The following PHKB variants were observed in gnomAD, a reference collection of about 807,000 sequenced individuals.
PHKB encodes phosphorylase b kinase regulatory subunit beta.
A neutral mutation model predicts 152.1 loss-of-function variants in PHKB; 122 were observed. The ratio of observed to expected loss-of-function variants is 0.80; its 90% confidence interval spans 0.69 to 0.93. The LOEUF (loss-of-function observed/expected upper bound fraction) is 0.93. Among genes scored for constraint, PHKB ranks in the 40% least tolerant of loss-of-function variants. The pLI is 0.00. For missense variants in PHKB, 1,304 were observed against 1,328.4 expected (o/e 0.98, Z 0.29); for synonymous variants, 436 against 464.9 (o/e 0.94, Z 0.80).
intron 14 of PHKB, among the ~76,000 whole-genome samples, chr16:47,640,393 A>G (rs2151726022): frequency 6.6e-6 from 1 of 152,342 alleles, no homozygotes; most frequent in Non-Finnish European, 1.5e-5. Flanking sequence ...AATACATGTT[A>G]TAGCGAATCT....
In PHKB at chr16:47,544,635, G is replaced by C. The variant is rs375151066; in HGVS notation, c.595-2798G>C. Among the ~76,000 whole-genome samples the C allele has an allele frequency of 3.9e-5, 6 of 152,310 alleles. 1 individual carries two copies. The East Asian group carries it at 1.2e-3, about 29-fold the overall frequency. On this transcript the variant is annotated intron_variant, in intron 6 of 30. Coordinates refer to ENST00000323584, the MANE Select transcript of PHKB (RefSeq NM_000293.3). ...GTTCCAGAGCTGAGTTCACATCCTG[G>C]ATATCCTTGTTACCCTTCTGTCTTG...
At chr16:47,549,101 G>T (rs1971226057) in intron 7 of PHKB, among the ~76,000 whole-genome samples, 1 of 152,140 alleles carries the variant, frequency 6.6e-6, no homozygotes. Flanking sequence ...TGAAGTAGAG[G>T]AATAATTTGT....
At chr16:47,509,637 T>G (rs974915274) in intron 4 of PHKB, among the ~76,000 whole-genome samples, 8 of 152,202 alleles carry the variant, frequency 5.3e-5, no homozygotes, top group African/African-American at 1.9e-4. Flanking sequence ...TTAATATAAT[T>G]AATTGTAATT....
chr16:47,546,497 C>A (rs979276070), intron 6 of PHKB, among the ~76,000 whole-genome samples: 1 of 152,074 alleles, frequency 6.6e-6, no homozygotes, highest in Non-Finnish European at 1.5e-5. Context: ...AGAGGGGCAC[C>A]CAGCTGTATG....
chr16:47,522,756 G>A (rs1330834291), intron 6 of PHKB, among the ~76,000 whole-genome samples: 2 of 151,606 alleles, frequency 1.3e-5, no homozygotes, highest in African/African-American at 4.8e-5. Context: ...TCATCTCAAT[G>A]TGTTTTTTGA....
At chr16:47,524,736 T>C (rs1247645996) in intron 6 of PHKB, among the ~76,000 whole-genome samples, 1 of 152,240 alleles carries the variant, frequency 6.6e-6, no homozygotes, top group Non-Finnish European at 1.5e-5. Flanking sequence ...ATGATAAGAT[T>C]AGGGGCTAAC....
intron 14 of PHKB, among the ~76,000 whole-genome samples, chr16:47,618,833 AT>A (rs1478825740): frequency 2.6e-5 from 4 of 152,218 alleles, no homozygotes; most frequent in African/African-American, 9.6e-5. Context: ...AAGCTGTGCC[AT>A]TAAGACTGAT....
chr16:47,474,611 T>C (rs1474188036), intron 1 of PHKB, among the ~76,000 whole-genome samples: 1 of 152,264 alleles, frequency 6.6e-6, no homozygotes, highest in Non-Finnish European at 1.5e-5. Flanking sequence ...ATATTAACTT[T>C]GGTTGCATTA....
chr16:47,656,793 C>T (rs1567343977), intron 20 of PHKB, among the ~76,000 whole-genome samples: 2 of 151,974 alleles, frequency 1.3e-5, no homozygotes, highest in South Asian at 2.1e-4. Flanking sequence ...TTTCCTTATC[C>T]CCTGATCCAC....
intron 7 of PHKB, among the ~76,000 whole-genome samples, chr16:47,577,916 G>T (rs1214481157): frequency 6.6e-6 from 1 of 151,964 alleles, no homozygotes; most frequent in African/African-American, 2.4e-5. Flanking sequence ...TTTCTGCTTT[G>T]CCCTCTGTCT....
chr16:47,677,783 T>A (rs1022873296), intron 26 of PHKB, among the ~76,000 whole-genome samples: 4 of 152,176 alleles, frequency 2.6e-5, no homozygotes, highest in Non-Finnish European at 4.4e-5. Flanking sequence ...TTTTTTTTTT[T>A]TATACTTTAA....
chr16:47,670,552 C>T lies in PHKB; in HGVS notation c.2630+1135C>T, dbSNP rs140022913. On this transcript the variant is annotated intron_variant, in intron 26 of 30. Coordinates refer to ENST00000323584, the MANE Select transcript of PHKB (RefSeq NM_000293.3). ...TCACACAGGCTAGAGTGCAGTGGTG[C>T]GATCTCAGCTCACTGCAACTGCCGC... is the stretch of plus-strand genomic sequence containing the variant. 4.2e-3 allele frequency among the ~76,000 whole-genome samples: 637 copies of T among 152,174 alleles called. 6 individuals carry two copies. Among genetic ancestry groups the T allele is most frequent in the African/African-American group, 0.015 (608 of 41,528 alleles).
intron 6 of PHKB, among the ~76,000 whole-genome samples, chr16:47,526,083 C>T (rs1257955266): frequency 3.3e-5 from 5 of 152,036 alleles, no homozygotes; most frequent in African/African-American, 9.7e-5. Context: ...ACTAACCAGC[C>T]TCTAACCAGG....
chr16:47,615,290 T>G (rs1972495538), intron 14 of PHKB, among the ~76,000 whole-genome samples: 2 of 152,186 alleles, frequency 1.3e-5, no homozygotes, highest in Non-Finnish European at 2.9e-5. Context: ...TGAATTGGAC[T>G]GCCCAAGGGT....
chr16:47,681,264 G>A (rs754976084), intron 26 of PHKB, among the ~76,000 whole-genome samples: 1 of 151,662 alleles, frequency 6.6e-6, no homozygotes, highest in Non-Finnish European at 1.5e-5. Flanking sequence ...GGGGTGGAGA[G>A]TTCTGTAGAT....
At chr16:47,463,206 G>A (rs989756583) in intron 1 of PHKB, 2 of 152,542 alleles carry the variant, frequency 1.3e-5, no homozygotes, top group Non-Finnish European at 2.9e-5. Context: ...TGAAATGCAT[G>A]TCATAACAGT....
chr16:47,657,990 T>C (rs1597156299), intron 20 of PHKB, among the ~76,000 whole-genome samples: 1 of 152,262 alleles, frequency 6.6e-6, no homozygotes, highest in East Asian at 1.9e-4. Context: ...AATAAAACAG[T>C]CTGTTCATGC....
At chr16:47,649,624 G>C (rs887633647) in intron 18 of PHKB, among the ~76,000 whole-genome samples, 1 of 152,118 alleles carries the variant, frequency 6.6e-6, no homozygotes, top group Non-Finnish European at 1.5e-5. Flanking sequence ...TCTACTGACA[G>C]AGCAGAGAAG....
chr16:47,577,107 T>C (rs986781243), intron 7 of PHKB, among the ~76,000 whole-genome samples: 6 of 152,128 alleles, frequency 3.9e-5, no homozygotes, highest in Admixed American at 1.3e-4. Context: ...GTTTTATTTT[T>C]CCTACCTTCC....
Sources: gnomAD v4.1 joint callset for allele counts (sites outside exome capture counted in the v4.1 genomes callset) on GRCh38, gnomAD v4.1.1 for gene constraint, MANE v1.5 for transcripts, NCBI Gene and HGNC (gene_info 2026-07-23, HGNC 2026-07-21) for gene names.